Variants in TMEM132D observed in about 807,000 individuals in gnomAD.
TMEM132D encodes mature OL transmembrane protein.
TMEM132D carries 21 observed loss-of-function variants against 62.3 expected under a neutral mutation model. That is an observed-to-expected ratio of 0.34 (90% confidence interval 0.24 to 0.49). The LOEUF is 0.49. TMEM132D is among the 20% of genes least tolerant of loss of function. TMEM132D has a pLI of 0.99. For synonymous variants in TMEM132D, 621 were observed against 575.6 expected, an observed-to-expected ratio of 1.08 and a Z score of -1.13; for missense variants, 1,346 against 1,402.8, an observed-to-expected ratio of 0.96 and a Z score of 0.65.
intron 5 of TMEM132D, among the ~76,000 whole-genome samples, chr12:129,169,319 G>A (rs889576477): frequency 6.6e-6 from 1 of 152,084 alleles, no homozygotes; most frequent in African/African-American, 2.4e-5. Context: ...ACAATTATCT[G>A]CTGTGGCCAG....
chr12:129,624,622 C>A (rs1175094987), intron 2 of TMEM132D, among the ~76,000 whole-genome samples: 2 of 152,264 alleles, frequency 1.3e-5, no homozygotes, highest in Non-Finnish European at 2.9e-5. Context: ...TGGGCAGACA[C>A]CCAGTGCTCA....
In TMEM132D at chr12:129,445,966, G is replaced by A. The variant is rs796422926; in HGVS notation, c.1115+85093C>T. On this transcript the variant is annotated intron_variant, in intron 3 of 8. Transcript: ENST00000422113. ...ATCCCCGGGGAGGTGTAGACCTGAG[G>A]TGTCCCTGCAGGGTTACTCCAAATT... 1.8e-4 allele frequency among the ~76,000 whole-genome samples: 28 copies of A among 151,764 alleles called. 1 individual carries two copies. Among genetic ancestry groups the A allele is most frequent in the African/African-American group, 6.5e-4 (27 of 41,340 alleles).
intron 3 of TMEM132D, among the ~76,000 whole-genome samples, chr12:129,510,500 G>A (rs774241867): frequency 5.3e-5 from 8 of 152,196 alleles, no homozygotes; most frequent in South Asian, 4.1e-4. Context: ...TTGCTTTGGC[G>A]TGTGTGCTTG....
At position 129,084,607 on chromosome 12, in the gene TMEM132D, G is replaced by C. The variant is rs775382777; in HGVS notation, c.1539C>G (p.Ser513Arg). The change falls in exon 6 of 9, where the codon AGC becomes AGG. Residue 513 changes from serine (S) to arginine (R), a missense_variant. Transcript: ENST00000422113. The part of the protein sequence containing the change: ...VVNFTYQHLS[S>R]PLEMTVWVPR... ...GCACCCACACCGTCATCTCCAGGGG[G>C]CTGCTCAGGTGCTGGTAGGTGAAGT... is the stretch of plus-strand genomic sequence containing the variant. 1 of 1,614,138 alleles carries C rather than the reference G, an allele frequency of 6.2e-7. No homozygotes were observed. The highest frequency in any genetic ancestry group is 8.5e-7 in the Non-Finnish European group (1 of 1,180,016).
chr12:129,116,168 C>G (rs1198347480), intron 5 of TMEM132D, among the ~76,000 whole-genome samples: 1 of 152,170 alleles, frequency 6.6e-6, no homozygotes, highest in East Asian at 1.9e-4. Context: ...GAAGCTTCAC[C>G]TGGGGAGTCC....
chr12:129,587,706 A>G (rs1282613914), intron 2 of TMEM132D, among the ~76,000 whole-genome samples: 1 of 152,070 alleles, frequency 6.6e-6, no homozygotes, highest in Non-Finnish European at 1.5e-5. Flanking sequence ...CTCGGCTCTC[A>G]CCATCCCTAT....
intron 1 of TMEM132D, among the ~76,000 whole-genome samples, chr12:129,740,693 G>A (rs1227203662): frequency 6.6e-6 from 1 of 151,948 alleles, no homozygotes; most frequent in Non-Finnish European, 1.5e-5. Context: ...GAATAGAACA[G>A]TACATTATTT....
rs530816550 is a variant in TMEM132D, at chr12:129,699,679, T to C, written c.968+131A>G. ...TGGTCTCTGTATTCCACGGTGCAGATGGAGTTTGTAAGAACGGGAAGGCCG... is the reference window on the plus strand; with the variant it reads ...TGGTCTCTGTATTCCACGGTGCAGACGGAGTTTGTAAGAACGGGAAGGCCG... On this transcript the variant is annotated intron_variant, in intron 2 of 8. Transcript: ENST00000422113. 2.8e-4 allele frequency: 314 copies of C among 1,118,354 alleles called. 1 individual carries two copies. Among genetic ancestry groups the C allele is most frequent in the Non-Finnish European group, 3.6e-4 (284 of 782,174 alleles). 69.3% of individuals were successfully genotyped at this position (1,118,354 alleles called of 1,614,324 possible).
intron 2 of TMEM132D, among the ~76,000 whole-genome samples, chr12:129,636,383 T>C (rs1044985942): frequency 1.3e-5 from 2 of 152,228 alleles, no homozygotes; most frequent in African/African-American, 4.8e-5. Flanking sequence ...GAATTTGGTA[T>C]TTCATTGCTA....
chr12:129,301,359 G>A (rs1463182253), intron 4 of TMEM132D, among the ~76,000 whole-genome samples: 1 of 152,052 alleles, frequency 6.6e-6, no homozygotes, highest in African/African-American at 2.4e-5. Context: ...GGGGCTCAAA[G>A]CTGCATCCTC....
At chr12:129,130,013 C>CTGTG in intron 5 of TMEM132D, among the ~76,000 whole-genome samples, 1 of 66,212 alleles carries the variant, frequency 1.5e-5, no homozygotes, top group African/African-American at 5.5e-5. Flanking sequence ...CAAAGCTCTG[C>CTGTG]TCTGTGTGTG....
intron 2 of TMEM132D, among the ~76,000 whole-genome samples, chr12:129,584,642 T>A (rs1877971847): frequency 6.6e-6 from 1 of 152,232 alleles, no homozygotes. Flanking sequence ...GCTGGCCCAT[T>A]GCTCTAAAGA....
chr12:129,760,935 G>A (rs1025326001), intron 1 of TMEM132D, among the ~76,000 whole-genome samples: 33 of 151,976 alleles, frequency 2.2e-4, no homozygotes, highest in Non-Finnish European at 2.8e-4. Context: ...TCCTGTGTTA[G>A]TTTGCTGAGA....
chr12:129,209,704 A>G lies in TMEM132D; in HGVS notation c.1300-41T>C, dbSNP rs747077161. On this transcript the variant is annotated intron_variant, in intron 4 of 8. Transcript: ENST00000422113. ...CACCCTTCCATCACATCCCCTCCTG[A>G]GACGGCCCAGTCCCTGGGAGTATGC... 2.5e-6 allele frequency: 4 copies of G among 1,610,280 alleles called. No individual in the cohort carries two copies. In the African/African-American group the frequency reaches 5.3e-5, roughly 22 times the overall value.
chr12:129,735,668 A>G (rs1200113690), intron 1 of TMEM132D, among the ~76,000 whole-genome samples: 1 of 152,200 alleles, frequency 6.6e-6, no homozygotes, highest in Non-Finnish European at 1.5e-5. Flanking sequence ...CCATAGAAAA[A>G]AAGAGCAAAT....
intron 4 of TMEM132D, among the ~76,000 whole-genome samples, chr12:129,310,199 G>C (rs1343925236): frequency 6.6e-6 from 1 of 152,154 alleles, no homozygotes; most frequent in Admixed American, 6.5e-5. Flanking sequence ...GCTAGTGGTG[G>C]CTGTGAGGGC....
intron 1 of TMEM132D, among the ~76,000 whole-genome samples, chr12:129,833,235 G>A (rs55917805): frequency 6.6e-6 from 1 of 152,154 alleles, no homozygotes; most frequent in Non-Finnish European, 1.5e-5. Flanking sequence ...CCTCAAGTAA[G>A]CTACAGTCGG....
At chr12:129,126,356 C>CTTTT (rs747997037) in intron 5 of TMEM132D, among the ~76,000 whole-genome samples, 1 of 137,818 alleles carries the variant, frequency 7.3e-6, no homozygotes. Context: ...CAGTTTCTCT[C>CTTTT]TCTTTTTTTT....
At chr12:129,688,554 A>C (rs1880985108) in intron 2 of TMEM132D, among the ~76,000 whole-genome samples, 1 of 152,118 alleles carries the variant, frequency 6.6e-6, no homozygotes, top group Non-Finnish European at 1.5e-5. Context: ...CATGGCCTTG[A>C]AACCCACACC....
Sources: allele counts gnomAD v4.1 joint callset (sites outside exome capture counted in the v4.1 genomes callset), GRCh38; gene constraint gnomAD v4.1.1; transcripts MANE v1.5; gene names NCBI Gene and HGNC (gene_info 2026-07-23, HGNC 2026-07-21).